ENPP4: variants seen among roughly 807,000 people sequenced by gnomAD.
ENPP4 encodes bis(5'-adenosyl)-triphosphatase ENPP4.
ENPP4 carries 18 observed loss-of-function variants against 33.4 expected under a neutral mutation model. The observed-to-expected ratio is 0.54, with a 90% CI of 0.37 to 0.80. The LOEUF is 0.80. Among genes scored for constraint, ENPP4 ranks in the 30% least tolerant of loss-of-function variants. The pLI is 0.00. For synonymous variants in ENPP4, 172 were observed against 189.9 expected (o/e 0.91, Z 0.78); for missense variants, 480 against 541.7 (o/e 0.89, Z 1.13).
rs1304046895 is a variant in ENPP4 at position 46,143,724 on chromosome 6, AAG to A, written c.*86_*87del. ...AAAGAATAGTGTTGTAACTATGAAA[AAG>A]AATACTTTGAAAGACAAAGAACTTA... On this transcript the variant is annotated 3_prime_UTR_variant, in exon 4 of 4. Transcript: ENST00000321037. 9.9e-6 allele frequency: 13 copies of A among 1,313,874 alleles called. No individual in the cohort carries two copies. The highest frequency in any genetic ancestry group is 1.4e-5 in the Non-Finnish European group (13 of 956,032). The allele number at this position is 1,313,874 out of a possible 1,614,324, so 81.4% of individuals were successfully genotyped here.
In ENPP4 at chr6:46,146,144, A is replaced by G. The variant is rs1276069040; in HGVS notation, c.*2504A>G. ...TTAAGTGTTTTTAATTCAGTCAGTG[A>G]ATTCAGAATAAGTACATTCATGTAT... On this transcript the variant is annotated 3_prime_UTR_variant, in exon 4 of 4. Coordinates refer to ENST00000321037, the MANE Select transcript of ENPP4 (RefSeq NM_014936.5). The G allele has an allele frequency of 6.6e-6, 1 of 152,088 alleles. No individual in the cohort carries two copies. The highest frequency in any genetic ancestry group is 1.9e-4 in the East Asian group (1 of 5,200). The allele number at this position is 152,088 out of a possible 1,614,324, so 9.4% of individuals were successfully genotyped here.
rs1056217108 is a variant in ENPP4 at position 46,146,680 on chromosome 6, A to C, written c.*3040A>C. 6.6e-6 allele frequency: 1 copy of C among 151,990 alleles called. No individual in the cohort carries two copies. The highest frequency in any genetic ancestry group is 1.5e-5 in the Non-Finnish European group (1 of 67,886). The allele number at this position is 151,990 out of a possible 1,614,324, so 9.4% of individuals were successfully genotyped here. A position where few individuals can be genotyped will look rare whatever the true frequency, so the allele number is the denominator to read the frequency against. ...CCAAAAAATTCTTACTGTAATTATT[A>C]AATATAAAGTTCAGTGTCACTGGTG... On this transcript the variant is annotated 3_prime_UTR_variant, in exon 4 of 4. Coordinates refer to ENST00000321037, the MANE Select transcript of ENPP4 (RefSeq NM_014936.5).
intron 1 of ENPP4, among the ~76,000 whole-genome samples, chr6:46,139,091 T>C (rs897479810): frequency 1.3e-5 from 2 of 151,776 alleles, no homozygotes; most frequent in Non-Finnish European, 3.0e-5. Context: ...ACCAATATGG[T>C]AGAATTTCCA....
intron 3 of ENPP4, among the ~76,000 whole-genome samples, chr6:46,142,413 A>G (rs1023198232): frequency 3.9e-4 from 7 of 18,024 alleles, no homozygotes; most frequent in Non-Finnish European, 1.8e-3. Context: ...ACATATAATT[A>G]TAATATATAT....
rs1244546319 is a variant in ENPP4 at position 46,144,643 on chromosome 6, C to T, written c.*1003C>T. On this transcript the variant is annotated 3_prime_UTR_variant, in exon 4 of 4. Coordinates refer to ENST00000321037, the MANE Select transcript of ENPP4 (RefSeq NM_014936.5). Reference sequence around the variant, plus strand: ...TCATGTTTGTTGTAACCTGAGGTATCCAAATGCTACAGAAAAATTTATGAC... The same window carrying T: ...TCATGTTTGTTGTAACCTGAGGTATTCAAATGCTACAGAAAAATTTATGAC... 2 of 276,310 alleles carry T rather than the reference C, an allele frequency of 7.2e-6. No individual in the cohort carries two copies. Among genetic ancestry groups the T allele is most frequent in the African/African-American group, 4.4e-5 (2 of 45,820 alleles). 17.1% of individuals were successfully genotyped at this position (276,310 alleles called of 1,614,324 possible).
intron 1 of ENPP4, among the ~76,000 whole-genome samples, chr6:46,130,904 C>G (rs971697436): frequency 5.3e-5 from 8 of 152,162 alleles, no homozygotes; most frequent in African/African-American, 1.9e-4. Context: ...AAGGGCTTTG[C>G]TTAATCAGGC....
Position 46,140,412 on chromosome 6 carries a change from A to G in ENPP4, c.826+3A>G, listed in dbSNP as rs547199387. Reference sequence around the variant, plus strand: ...TGCTGCAATACTTCCCAAAATAAGTAAGTAAACATTCAACTGAGGGATACT... The same window carrying G: ...TGCTGCAATACTTCCCAAAATAAGTGAGTAAACATTCAACTGAGGGATACT... On this transcript the variant is annotated splice_donor_region_variant and intron_variant, in intron 2 of 3. Transcript: ENST00000321037. 3.3e-6 allele frequency: 5 copies of G among 1,520,380 alleles called. No individual in the cohort carries two copies. Among genetic ancestry groups the G allele is most frequent in the Non-Finnish European group, 4.4e-6 (5 of 1,124,602 alleles). 94.2% of individuals were successfully genotyped at this position (1,520,380 alleles called of 1,614,324 possible). A position where few individuals can be genotyped will look rare whatever the true frequency, so the allele number is the denominator to read the frequency against.
Position 46,145,168 on chromosome 6 carries a change from TA to T in ENPP4, c.*1531del. 2.7e-6 allele frequency: 1 copy of T among 363,862 alleles called. No individual in the cohort carries two copies. The highest frequency in any genetic ancestry group is 4.9e-6 in the Non-Finnish European group (1 of 204,072). The allele number at this position is 363,862 out of a possible 1,614,324, so 22.5% of individuals were successfully genotyped here. A position where few individuals can be genotyped will look rare whatever the true frequency, so the allele number is the denominator to read the frequency against. On this transcript the variant is annotated 3_prime_UTR_variant, in exon 4 of 4. Coordinates refer to ENST00000321037, the MANE Select transcript of ENPP4 (RefSeq NM_014936.5). ...AAGTATAATAAATATGCAGCCCAGT[TA>T]AATATTGATTATCTGTGATGGTAAA...
chr6:46,140,541 T>C, intron 2 of ENPP4, 132 bp downstream of exon 2: 1 of 584,104 alleles, frequency 1.7e-6, no homozygotes, highest in Non-Finnish European at 2.9e-6. Flanking sequence ...GGATTATATG[T>C]TTTTTTCCTC....
Position 46,139,655 on chromosome 6 carries a change from G to A in ENPP4, c.72G>A (p.Leu24=). ...TGFRSDSSSS[L]PPKLLLVSFD... is the part of the protein sequence containing the mutation. The stretch of plus-strand genomic sequence containing the variant: ...TTAGAAGTGACTCTTCCTCTAGTTT[G>A]CCACCTAAGTTACTACTAGTATCCT... The change falls in exon 2 of 4, where the codon TTG becomes TTA. Residue 24 remains leucine (L), a synonymous_variant. Transcript: ENST00000321037. 2.5e-6 allele frequency: 4 copies of A among 1,610,920 alleles called. No homozygotes were observed. The highest frequency in any genetic ancestry group is 3.4e-6 in the Non-Finnish European group (4 of 1,177,904).
chr6:46,132,588 T>G (rs1763916065), intron 1 of ENPP4, among the ~76,000 whole-genome samples: 2 of 152,338 alleles, frequency 1.3e-5, no homozygotes, highest in South Asian at 4.1e-4. Flanking sequence ...TCAGGTAGTG[T>G]GATGCCTCCA....
chr6:46,143,208 C>T, intron 3 of ENPP4, 68 bp from the exon 4 acceptor site: 1 of 1,441,420 alleles, frequency 6.9e-7, no homozygotes, highest in Non-Finnish European at 9.3e-7. Flanking sequence ...TGTTTATATA[C>T]TAGAAGCAAG....
intron 3 of ENPP4, among the ~76,000 whole-genome samples, chr6:46,141,571 T>TA (rs953518634): frequency 1.3e-5 from 2 of 151,586 alleles, no homozygotes; most frequent in East Asian, 1.9e-4. Flanking sequence ...TTTTGTGTGT[T>TA]AAAAAAAATT....
At chr6:46,136,573 C>T (rs1218225397) in intron 1 of ENPP4, among the ~76,000 whole-genome samples, 1 of 151,924 alleles carries the variant, frequency 6.6e-6, no homozygotes, top group African/African-American at 2.4e-5. Context: ...GTATTTATTT[C>T]ACAGTAATTT....
Position 46,143,721 on chromosome 6 carries a change from A to G in ENPP4, c.*81A>G. On this transcript the variant is annotated 3_prime_UTR_variant, in exon 4 of 4. Transcript: ENST00000321037. ...TCCAAAGAATAGTGTTGTAACTATG[A>G]AAAAGAATACTTTGAAAGACAAAGA... 2 of 1,320,818 alleles carry G rather than the reference A, an allele frequency of 1.5e-6. No homozygotes were observed. Among genetic ancestry groups the G allele is most frequent in the Non-Finnish European group, 2.1e-6 (2 of 961,478 alleles). 81.8% of individuals were successfully genotyped at this position (1,320,818 alleles called of 1,614,324 possible).
chr6:46,131,839 T>C (rs964771309), intron 1 of ENPP4, among the ~76,000 whole-genome samples: 12 of 152,218 alleles, frequency 7.9e-5, no homozygotes, highest in Non-Finnish European at 1.5e-4. Flanking sequence ...GACTTTTTAA[T>C]GATTGCCATT....
intron 1 of ENPP4, among the ~76,000 whole-genome samples, chr6:46,132,454 T>G (rs1386314997): frequency 6.6e-6 from 1 of 152,140 alleles, no homozygotes; most frequent in Non-Finnish European, 1.5e-5. Context: ...TATCAAAGAT[T>G]AGATAGTTGT....
chr6:46,142,005 A>G (rs1764068530), intron 3 of ENPP4, among the ~76,000 whole-genome samples: 1 of 151,520 alleles, frequency 6.6e-6, no homozygotes, highest in Non-Finnish European at 1.5e-5. Context: ...GCTTCGGTGA[A>G]ACTCTGTTTA....
chr6:46,142,181 G>T (rs1353390911), intron 3 of ENPP4, among the ~76,000 whole-genome samples: 1 of 151,008 alleles, frequency 6.6e-6, no homozygotes, highest in Non-Finnish European at 1.5e-5. Context: ...ACAACCGAAA[G>T]TATAGAAAAG....
Sources: gnomAD v4.1 joint callset for allele counts (sites outside exome capture counted in the v4.1 genomes callset) on GRCh38, gnomAD v4.1.1 for gene constraint, MANE v1.5 for transcripts, NCBI Gene and HGNC (gene_info 2026-07-23, HGNC 2026-07-21) for gene names.